Variants in DRC11 observed in about 807,000 individuals in gnomAD.
The protein encoded by DRC11 is dynein regulatory complex subunit 11.
chr2:236,377,807 T>G, the DRC11 span, among the ~76,000 whole-genome samples: 1 of 152,204 alleles, frequency 6.6e-6, no homozygotes, highest in African/African-American at 2.4e-5. The surrounding 1 kb of genome is among the most constrained non-coding windows in gnomAD (Gnocchi z 4.9). Context: ...GCCAGCACAT[T>G]GGTAATTTAT....
At chr2:236,358,360 ATAT>A in the DRC11 span, among the ~76,000 whole-genome samples, 1 of 132,114 alleles carries the variant, frequency 7.6e-6, no homozygotes, top group African/African-American at 2.8e-5. Context: ...CTATATGAAT[ATAT>A]AATATATAGA....
At chr2:236,347,803 A>G in the DRC11 span, among the ~76,000 whole-genome samples, 4 of 151,958 alleles carry the variant, frequency 2.6e-5, no homozygotes, top group Non-Finnish European at 4.4e-5. Flanking sequence ...AATCACCACT[A>G]AAGAACTTAC....
the DRC11 span, among the ~76,000 whole-genome samples, chr2:236,446,959 G>A: frequency 6.8e-6 from 1 of 148,070 alleles, no homozygotes; most frequent in African/African-American, 2.7e-5. The surrounding 1 kb of genome is among the most constrained non-coding windows in gnomAD (Gnocchi z 6.2). Context: ...ATGCTCCTGG[G>A]GACCCTCTCC....
the DRC11 span, chr2:236,408,801 C>T: frequency 1.2e-5 from 8 of 666,908 alleles, no homozygotes; most frequent in East Asian, 1.4e-4. The surrounding 1 kb of genome is among the most constrained non-coding windows in gnomAD (Gnocchi z 5.5). Context: ...GAGGGGTTTC[C>T]ACATAGCCCA....
chr2:236,481,828 C>G, the DRC11 span, among the ~76,000 whole-genome samples: 4 of 150,524 alleles, frequency 2.7e-5, no homozygotes, highest in Non-Finnish European at 1.5e-5. Flanking sequence ...AATCTATATA[C>G]TTTAGAATTA....
At chr2:236,312,212 C>T in the DRC11 span, among the ~76,000 whole-genome samples, 1 of 152,158 alleles carries the variant, frequency 6.6e-6, no homozygotes, top group African/African-American at 2.4e-5. Context: ...TGCTTTTCCA[C>T]AGTTACTCAA....
At chr2:236,455,518 G>A in the DRC11 span, among the ~76,000 whole-genome samples, 1 of 152,230 alleles carries the variant, frequency 6.6e-6, no homozygotes, top group Admixed American at 6.5e-5. This position sits in a 1 kb window ranked among gnomAD's most constrained non-coding sequence, Gnocchi z 5.7. Context: ...GGCTGGAGTG[G>A]AGGGAGGAAC....
chr2:236,380,114 A>G, the DRC11 span, among the ~76,000 whole-genome samples: 1 of 152,208 alleles, frequency 6.6e-6, no homozygotes, highest in Non-Finnish European at 1.5e-5. This position sits in a 1 kb window ranked among gnomAD's most constrained non-coding sequence, Gnocchi z 4.9. Context: ...TTCGTCCTGC[A>G]CTGAAGCTGG....
At chr2:236,436,422 A>T in the DRC11 span, among the ~76,000 whole-genome samples, 1 of 151,940 alleles carries the variant, frequency 6.6e-6, no homozygotes, top group East Asian at 1.9e-4. Context: ...TGTTTATGAA[A>T]TTTTTCTCCA....
chr2:236,347,981 G>C, the DRC11 span, among the ~76,000 whole-genome samples: 1 of 152,184 alleles, frequency 6.6e-6, no homozygotes, highest in African/African-American at 2.4e-5. Context: ...CTGATGAGGA[G>C]AAACACCAAG....
At chr2:236,421,747 G>C in the DRC11 span, among the ~76,000 whole-genome samples, 1 of 152,074 alleles carries the variant, frequency 6.6e-6, no homozygotes, top group East Asian at 1.9e-4. Context: ...GCCTGGCAGA[G>C]ACACAACAAA....
the DRC11 span, among the ~76,000 whole-genome samples, chr2:236,358,042 AATAT>A: frequency 3.3e-5 from 4 of 119,456 alleles, no homozygotes; most frequent in Non-Finnish European, 4.7e-5. Context: ...ATATATTTAT[AATAT>A]ATAGATATAT....
the DRC11 span, among the ~76,000 whole-genome samples, chr2:236,392,560 GA>G: frequency 8.6e-5 from 13 of 151,422 alleles, no homozygotes; most frequent in South Asian, 8.3e-4. This position sits in a 1 kb window ranked among gnomAD's most constrained non-coding sequence, Gnocchi z 5.1. Context: ...ACTAAAAAAA[GA>G]AAAAAAACTG....
At chr2:236,380,251 CAG>C in the DRC11 span, among the ~76,000 whole-genome samples, 3 of 152,244 alleles carry the variant, frequency 2.0e-5, no homozygotes, top group African/African-American at 7.2e-5. The surrounding 1 kb of genome is among the most constrained non-coding windows in gnomAD (Gnocchi z 4.9). Context: ...TGTGAGAACT[CAG>C]AGTCTCCGTA....
the DRC11 span, among the ~76,000 whole-genome samples, chr2:236,364,801 G>T: frequency 1.8e-4 from 27 of 152,202 alleles, no homozygotes; most frequent in Non-Finnish European, 3.4e-4. Context: ...GGCTCTTTTT[G>T]ATACTCTGTA....
chr2:236,396,561 C>G, the DRC11 span, among the ~76,000 whole-genome samples: 1 of 152,054 alleles, frequency 6.6e-6, no homozygotes, highest in Non-Finnish European at 1.5e-5. Context: ...GTTTTCAGAG[C>G]TTTTGGGCCG....
chr2:236,491,240 T>TATATATATATACAC, the DRC11 span, among the ~76,000 whole-genome samples: 4 of 52,530 alleles, frequency 7.6e-5, no homozygotes, highest in South Asian at 1.7e-3. Context: ...TATATATATA[T>TATATATATATACAC]ACACAGTATA....
chr2:236,343,385 A>T, the DRC11 span, among the ~76,000 whole-genome samples: 1 of 152,198 alleles, frequency 6.6e-6, no homozygotes, highest in Non-Finnish European at 1.5e-5. The surrounding 1 kb of genome is among the most constrained non-coding windows in gnomAD (Gnocchi z 6.6). Flanking sequence ...GGGCTGCATG[A>T]ACTCAGAGGC....
the DRC11 span, among the ~76,000 whole-genome samples, chr2:236,384,631 G>C: frequency 6.6e-6 from 1 of 152,128 alleles, no homozygotes; most frequent in South Asian, 2.1e-4. Context: ...TCTGATGGTA[G>C]TGTCTTTTGC....
Sources: allele counts gnomAD v4.1 joint callset (sites outside exome capture counted in the v4.1 genomes callset), GRCh38; gene constraint gnomAD v4.1.1; non-coding constraint Gnocchi (gnomAD v3.1); transcripts MANE v1.5; gene names NCBI Gene and HGNC (gene_info 2026-07-23, HGNC 2026-07-21).